ESCO1: variants seen among roughly 807,000 people sequenced by gnomAD.
ESCO1 encodes establishment of sister chromatid cohesion N-acetyltransferase 1, also known as N-acetyltransferase ESCO1.
A neutral mutation model predicts 83.5 loss-of-function variants in ESCO1; 33 were observed. The ratio of observed to expected loss-of-function variants is 0.40; its 90% CI spans 0.30 to 0.53. The LOEUF is 0.53. ESCO1 is among the 20% of genes least tolerant of loss of function. The pLI, the probability that ESCO1 is intolerant of heterozygous loss-of-function variation, is 0.63. For missense variants in ESCO1, 855 were observed against 968.0 expected (o/e 0.88, Z 1.55); for synonymous variants, 332 against 324.3 (o/e 1.02, Z -0.25).
At chr18:21,599,937 C>A (rs1166872043) in intron 1 of ESCO1, among the ~76,000 whole-genome samples, 1 of 152,240 alleles carries the variant, frequency 6.6e-6, no homozygotes, top group Non-Finnish European at 1.5e-5. Context: ...CTCTCTCCAT[C>A]GCTATAAACT....
At chr18:21,530,888 C>G (rs1399756844) in intron 11 of ESCO1, among the ~76,000 whole-genome samples, 1 of 152,002 alleles carries the variant, frequency 6.6e-6, no homozygotes, top group Non-Finnish European at 1.5e-5. Flanking sequence ...ATTGGAGGTT[C>G]TCGTCATGAG....
chr18:21,551,530 C>G (rs1344557817), intron 8 of ESCO1, among the ~76,000 whole-genome samples: 2 of 152,170 alleles, frequency 1.3e-5, no homozygotes, highest in Non-Finnish European at 2.9e-5. Flanking sequence ...CCATTTTTAA[C>G]CATAAGATGT....
rs2038243328 is a variant in ESCO1 at position 21,565,209 on chromosome 18, T to C, written c.1707-892A>G. Among the ~76,000 whole-genome samples the C allele has an allele frequency of 2.0e-5, 3 of 152,406 alleles. No homozygotes were observed. The South Asian group carries it at 6.2e-4, about 32-fold the overall frequency. ...AAGGCAACACTTACCACAGTTTGAA[T>C]ATGCTTTTAAGTTTTATAGTTTTAG... On this transcript the variant is annotated intron_variant, in intron 6 of 11. Coordinates refer to ENST00000269214, the MANE Select transcript of ESCO1 (RefSeq NM_052911.3).
intron 10 of ESCO1, among the ~76,000 whole-genome samples, chr18:21,535,834 A>G (rs2146168725): frequency 6.6e-6 from 1 of 152,332 alleles, no homozygotes; most frequent in African/African-American, 2.4e-5. Context: ...TTCTGATTCT[A>G]CAGAATTTTT....
intron 5 of ESCO1, among the ~76,000 whole-genome samples, chr18:21,567,150 A>C (rs1001525696): frequency 6.6e-6 from 1 of 151,894 alleles, no homozygotes; most frequent in African/African-American, 2.4e-5. Flanking sequence ...CAGTTCAAAT[A>C]ATTTTTTTTT....
At chr18:21,596,013 A>G (rs1241883367) in intron 1 of ESCO1, among the ~76,000 whole-genome samples, 15 of 151,778 alleles carry the variant, frequency 9.9e-5, no homozygotes, top group Non-Finnish European at 5.9e-5. Context: ...AATAAAAAGA[A>G]TAATACTTGT....
intron 1 of ESCO1, among the ~76,000 whole-genome samples, chr18:21,596,306 A>C (rs1242229700): frequency 5.3e-5 from 8 of 152,054 alleles, no homozygotes; most frequent in Admixed American, 5.2e-4. Context: ...TTTTAAGAGT[A>C]TAAGGGGATC....
intron 5 of ESCO1, among the ~76,000 whole-genome samples, chr18:21,566,745 A>G (rs2038267018): frequency 6.6e-6 from 1 of 151,908 alleles, no homozygotes; most frequent in African/African-American, 2.4e-5. Flanking sequence ...CTGTAATCCC[A>G]GCTGCCCAGG....
At chr18:21,535,476 G>A (rs544553784) in intron 10 of ESCO1, among the ~76,000 whole-genome samples, 41 of 151,706 alleles carry the variant, frequency 2.7e-4, no homozygotes, top group African/African-American at 7.5e-4. Context: ...TCTGCCTCCC[G>A]GGTTCAAGCG....
At position 21,569,873 on chromosome 18, in the gene ESCO1, C is replaced by G. The variant is rs934275887; in HGVS notation, c.1531-1779G>C. Among the ~76,000 whole-genome samples the G allele has an allele frequency of 7.9e-5, 12 of 152,254 alleles. No homozygotes were observed. In the East Asian group the frequency reaches 2.3e-3, roughly 29 times the overall value. On this transcript the variant is annotated intron_variant, in intron 4 of 11. Transcript: ENST00000269214. ...TCAAAAAAGAAAAAAATACTCCAAACTCCATCAACAGTGGCTATCTCAGGG... is the reference window on the plus strand; with the variant it reads ...TCAAAAAAGAAAAAAATACTCCAAAGTCCATCAACAGTGGCTATCTCAGGG...
chr18:21,545,089 G>A (rs1030910869), intron 8 of ESCO1, among the ~76,000 whole-genome samples: 3 of 152,024 alleles, frequency 2.0e-5, no homozygotes, highest in East Asian at 1.9e-4. Context: ...CTGTGTACTC[G>A]CTGTGTACTT....
chr18:21,548,939 TAAA>T (rs796154017), intron 8 of ESCO1, among the ~76,000 whole-genome samples: 1 of 140,310 alleles, frequency 7.1e-6, no homozygotes, highest in Admixed American at 7.2e-5. Flanking sequence ...CCCTGTCTCT[TAAA>T]AAAAAAAAAA....
In ESCO1 at chr18:21,573,379, T is replaced by C. The variant is rs1229764476; in HGVS notation, c.1465A>G (p.Ile489Val). 1 of 1,606,268 alleles carries C rather than the reference T, an allele frequency of 6.2e-7. No individual in the cohort carries two copies. Among genetic ancestry groups the C allele is most frequent in the South Asian group, 1.1e-5 (1 of 88,668 alleles). Residue 489 changes from isoleucine (I) to valine (V), a missense_variant, in exon 4 of 12, where the codon ATA becomes GTA. Ile to Val is a conservative substitution (Grantham distance 29). This residue lies in a region of ESCO1 where 726 missense variants were observed against 699.5 expected (regional missense o/e 1.04). Coordinates refer to ENST00000269214, the MANE Select transcript of ESCO1 (RefSeq NM_052911.3). ...TCCAATGGTGGGTCAGAAGGTTTTA[T>C]CTCATTGGCCAAATGACAATTTTCA... ...APENCHLANEIKPSDPPLDNQ... is the reference protein window; with the variant it reads ...APENCHLANEVKPSDPPLDNQ...
chr18:21,534,932 C>CTT (rs949986176), intron 10 of ESCO1, among the ~76,000 whole-genome samples: 27 of 151,928 alleles, frequency 1.8e-4, no homozygotes, highest in Admixed American at 1.7e-3. Flanking sequence ...TGGTGTGGGC[C>CTT]TTTTATAAAG....
intron 1 of ESCO1, among the ~76,000 whole-genome samples, chr18:21,592,183 G>A (rs2038680638): frequency 6.7e-6 from 1 of 148,826 alleles, no homozygotes; most frequent in South Asian, 2.2e-4. Context: ...ATAAGCTGTT[G>A]GGCACACCTC....
intron 4 of ESCO1, among the ~76,000 whole-genome samples, chr18:21,570,925 C>A (rs2146207922): frequency 6.7e-6 from 1 of 149,296 alleles, no homozygotes; most frequent in African/African-American, 2.5e-5. Flanking sequence ...TGCAGTGAGC[C>A]GAGATGCACC....
intron 8 of ESCO1, chr18:21,540,752 G>T: frequency 8.2e-7 from 1 of 1,216,490 alleles, no homozygotes; most frequent in Non-Finnish European, 1.0e-6. Flanking sequence ...AGTAAGATGG[G>T]ACTGAACCAG....
chr18:21,569,141 T>G (rs1057276027), intron 4 of ESCO1, among the ~76,000 whole-genome samples: 3 of 152,202 alleles, frequency 2.0e-5, no homozygotes, highest in Admixed American at 2.0e-4. Flanking sequence ...TTTGTCTAAA[T>G]CTCTTTCGTG....
intron 5 of ESCO1, among the ~76,000 whole-genome samples, chr18:21,566,669 T>A (rs537445359): frequency 6.6e-6 from 1 of 152,308 alleles, no homozygotes; most frequent in African/African-American, 2.4e-5. Flanking sequence ...GAGACCAGCC[T>A]GGCCAACATA....
Sources: gnomAD v4.1 joint callset for allele counts (sites outside exome capture counted in the v4.1 genomes callset) on GRCh38, gnomAD v4.1.1 for gene constraint, gnomAD v4.1.1 regional missense constraint, MANE v1.5 for transcripts, NCBI Gene and HGNC (gene_info 2026-07-23, HGNC 2026-07-21) for gene names.